Variants in PTPRD observed in about 807,000 individuals in gnomAD.
The protein encoded by PTPRD is protein tyrosine phosphatase receptor type D.
Under a neutral mutation model 214.5 loss-of-function variants are expected in PTPRD, and 34 were observed. That is an observed-to-expected ratio of 0.16 (90% CI 0.12 to 0.21). The LOEUF is 0.21. Ranked by LOEUF, PTPRD falls within the 10% of genes least tolerant of loss-of-function variation. The probability of loss-of-function intolerance (pLI) is 1.00; values close to 1 mark genes in which losing one functional copy is unlikely to be tolerated. For missense variants in PTPRD, 2,545 were observed against 2,398.7 expected, an observed-to-expected ratio of 1.06 and a Z score of -1.27; for synonymous variants, 1,128 against 845.7, an observed-to-expected ratio of 1.33 and a Z score of -5.79.
chr9:9,062,124 T>G (rs1027344103), intron 10 of PTPRD, among the ~76,000 whole-genome samples: 6 of 152,182 alleles, frequency 3.9e-5, no homozygotes, highest in African/African-American at 1.4e-4. Context: ...GAAGTTCAAG[T>G]TTACTTAGCA....
intron 12 of PTPRD, among the ~76,000 whole-genome samples, chr9:8,688,693 C>T (rs2083054642): frequency 6.6e-6 from 1 of 151,814 alleles, no homozygotes; most frequent in Non-Finnish European, 1.5e-5. Flanking sequence ...TTATTCATAA[C>T]ACACAGGCCA....
intron 4 of PTPRD, among the ~76,000 whole-genome samples, chr9:10,025,052 C>T (rs2096897516): frequency 1.3e-5 from 2 of 151,868 alleles, no homozygotes; most frequent in East Asian, 1.9e-4. Context: ...TGGGTTGGTT[C>T]CAAGTCTTTG....
chr9:9,163,856 T>G (rs2099895787), intron 10 of PTPRD, among the ~76,000 whole-genome samples: 1 of 152,176 alleles, frequency 6.6e-6, no homozygotes, highest in Non-Finnish European at 1.5e-5. Flanking sequence ...CATCTAAGGC[T>G]TCACATATTT....
At chr9:8,759,418 T>C (rs549579221) in intron 11 of PTPRD, among the ~76,000 whole-genome samples, 1 of 152,244 alleles carries the variant, frequency 6.6e-6, no homozygotes, top group East Asian at 1.9e-4. Flanking sequence ...ATTTTAAAGC[T>C]TCTGTTCTCT....
chr9:10,385,244 C>T (rs534290408), intron 2 of PTPRD, among the ~76,000 whole-genome samples: 2 of 151,678 alleles, frequency 1.3e-5, no homozygotes, highest in East Asian at 1.9e-4. Context: ...AAATATCATA[C>T]ATATCCTCAT....
At chr9:10,444,603 T>C (rs557827321) in intron 2 of PTPRD, among the ~76,000 whole-genome samples, 52 of 151,896 alleles carry the variant, frequency 3.4e-4, no homozygotes, top group African/African-American at 1.2e-3. Flanking sequence ...CTATGACAAT[T>C]ATATGAAATA....
chr9:10,110,565 A>G (rs923584084), intron 3 of PTPRD, among the ~76,000 whole-genome samples: 2 of 152,188 alleles, frequency 1.3e-5, no homozygotes, highest in African/African-American at 4.8e-5. Context: ...AAAACATGAG[A>G]AAGTTTGGTT....
chr9:10,100,403 C>T (rs1157586139), intron 3 of PTPRD, among the ~76,000 whole-genome samples: 1 of 151,590 alleles, frequency 6.6e-6, no homozygotes, highest in Non-Finnish European at 1.5e-5. Context: ...GTTGCAAAGC[C>T]TACTCTCTTA....
intron 3 of PTPRD, among the ~76,000 whole-genome samples, chr9:10,250,311 T>A (rs753993659): frequency 3.9e-5 from 6 of 152,120 alleles, no homozygotes; most frequent in Non-Finnish European, 7.4e-5. Flanking sequence ...CCTTTACTCA[T>A]CTATATAACC....
chr9:9,733,109 T>G (rs1043170728), intron 7 of PTPRD, among the ~76,000 whole-genome samples: 17 of 152,184 alleles, frequency 1.1e-4, no homozygotes, highest in African/African-American at 3.9e-4. Flanking sequence ...TAAACTAGTC[T>G]CGCAATAAAC....
At chr9:10,046,382 T>C (rs1467698341) in intron 3 of PTPRD, among the ~76,000 whole-genome samples, 1 of 151,882 alleles carries the variant, frequency 6.6e-6, no homozygotes, top group Non-Finnish European at 1.5e-5. Flanking sequence ...ACTTAAATTA[T>C]AGCCACAATA....
intron 2 of PTPRD, among the ~76,000 whole-genome samples, chr9:10,599,065 G>A (rs1450080865): frequency 2.0e-5 from 3 of 151,572 alleles, no homozygotes; most frequent in African/African-American, 7.3e-5. Context: ...TAGGTTCAAT[G>A]GCACTGACAT....
intron 2 of PTPRD, among the ~76,000 whole-genome samples, chr9:10,572,048 A>G (rs894592194): frequency 2.0e-5 from 3 of 152,174 alleles, no homozygotes; most frequent in Non-Finnish European, 1.5e-5. Context: ...TACTCTATGT[A>G]TTAGACATAC....
chr9:9,562,694 G>C (rs567186121), intron 8 of PTPRD, among the ~76,000 whole-genome samples: 1 of 151,850 alleles, frequency 6.6e-6, no homozygotes, highest in East Asian at 1.9e-4. Context: ...TTTAGTTCCT[G>C]AGCAAATTTG....
At chr9:8,441,008 T>A (rs892148129) in intron 34 of PTPRD, among the ~76,000 whole-genome samples, 1 of 152,146 alleles carries the variant, frequency 6.6e-6, no homozygotes, top group Non-Finnish European at 1.5e-5. Context: ...GAGAACGGCA[T>A]TTGCGATCTT....
At chr9:9,168,564 A>G (rs1182368445) in intron 10 of PTPRD, among the ~76,000 whole-genome samples, 1 of 152,158 alleles carries the variant, frequency 6.6e-6, no homozygotes, top group Admixed American at 6.6e-5. Flanking sequence ...ATACAGTTGA[A>G]TATAAAGAAA....
chr9:9,394,434 G>T (rs2066988716), intron 9 of PTPRD, among the ~76,000 whole-genome samples: 1 of 152,146 alleles, frequency 6.6e-6, no homozygotes, highest in Non-Finnish European at 1.5e-5. Context: ...ATTCACAACT[G>T]ATTGGAAGTT....
At chr9:8,385,262 C>T (rs1255682003) in intron 37 of PTPRD, among the ~76,000 whole-genome samples, 1 of 152,120 alleles carries the variant, frequency 6.6e-6, no homozygotes, top group Non-Finnish European at 1.5e-5. Flanking sequence ...CGGGCTGGCT[C>T]AAGCCTGCAG....
intron 2 of PTPRD, among the ~76,000 whole-genome samples, chr9:10,415,311 C>T (rs186079320): frequency 1.1e-4 from 16 of 151,898 alleles, no homozygotes; most frequent in Admixed American, 9.2e-4. Flanking sequence ...CTTATACACA[C>T]ACACACATAT....
Sources: gnomAD v4.1 joint callset for allele counts (sites outside exome capture counted in the v4.1 genomes callset) on GRCh38, gnomAD v4.1.1 for gene constraint, MANE v1.5 for transcripts, NCBI Gene and HGNC (gene_info 2026-07-23, HGNC 2026-07-21) for gene names.